NMBR: variants seen among roughly 807,000 people sequenced by gnomAD.
NMBR encodes the protein neuromedin B receptor, also known as neuromedin-B receptor.
Under a neutral mutation model 20.5 loss-of-function variants are expected in NMBR, and 16 were observed. That is an observed-to-expected ratio of 0.78 (90% CI 0.53 to 1.19). The LOEUF (loss-of-function observed/expected upper bound fraction) is 1.19. Among genes scored for constraint, NMBR ranks in the 50% most tolerant of loss-of-function variants. The probability of loss-of-function intolerance (pLI) is 0.00; values close to 1 mark genes in which losing one functional copy is unlikely to be tolerated. For missense variants in NMBR, 582 were observed against 499.1 expected (o/e 1.17, Z -1.58); for synonymous variants, 212 against 196.6 (o/e 1.08, Z -0.65).
At position 142,074,576 on chromosome 6, in the gene NMBR, G is replaced by A. The variant is rs966316468; in HGVS notation, c.*1072C>T. Among the ~76,000 whole-genome samples the A allele has an allele frequency of 6.6e-6, 1 of 152,052 alleles. No individual in the cohort carries two copies. The highest frequency in any genetic ancestry group is 1.5e-5 in the Non-Finnish European group (1 of 67,962). On this transcript the variant is annotated 3_prime_UTR_variant, in exon 4 of 4. Coordinates refer to ENST00000258042, the MANE Select transcript of NMBR (RefSeq NM_002511.4). ...CATTTGCATTTTCCTAAAAAAAGAA[G>A]ACATTTGTTCAGAGAAAACTGTGGT...
intron 1 of NMBR, among the ~76,000 whole-genome samples, chr6:142,120,858 A>G (rs1229580384): frequency 1.3e-5 from 2 of 151,976 alleles, no homozygotes; most frequent in Non-Finnish European, 2.9e-5. Context: ...AACATCAGAC[A>G]TCCAGTCAAA....
intron 1 of NMBR, among the ~76,000 whole-genome samples, chr6:142,132,616 T>C (rs1221657903): frequency 6.6e-6 from 1 of 152,178 alleles, no homozygotes; most frequent in African/African-American, 2.4e-5. Flanking sequence ...TCTTAGGATT[T>C]CCCAGAAATT....
rs150191450 is a variant in NMBR at position 142,127,817 on chromosome 6, T to A, written c.-664+19227A>T. On this transcript the variant is annotated intron_variant, in intron 1 of 3. Transcript: ENST00000258042. ...TTTTGTTTGTGTACAGATATGTCAC[T>A]GATTTTTGTGTGTTGATTTTGTGTC... is the stretch of plus-strand genomic sequence containing the variant. Among the ~76,000 whole-genome samples the A allele has an allele frequency of 4.7e-3, 720 of 152,224 alleles. 3 individuals are homozygous for A. The highest frequency in any genetic ancestry group is 0.022 in the South Asian group (107 of 4,830).
intron 1 of NMBR, among the ~76,000 whole-genome samples, chr6:142,140,882 G>A (rs1300152499): frequency 6.6e-6 from 1 of 152,092 alleles, no homozygotes; most frequent in Non-Finnish European, 1.5e-5. Flanking sequence ...TCATCAGGAA[G>A]CATAATAGTT....
intron 1 of NMBR, chr6:142,134,912 TCAGA>T (rs1206247485): frequency 1.8e-6 from 1 of 565,906 alleles, no homozygotes; most frequent in African/African-American, 1.9e-5. Context: ...TACTTTCCAT[TCAGA>T]CAATGACCAA....
intron 2 of NMBR, among the ~76,000 whole-genome samples, chr6:142,079,489 C>A (rs1777048987): frequency 6.6e-6 from 1 of 152,116 alleles, no homozygotes; most frequent in Admixed American, 6.5e-5. Context: ...TCTTCTAAAT[C>A]TATATATGTT....
In NMBR at chr6:142,081,396, T is replaced by A. The variant is rs374400178; in HGVS notation, c.423-2493A>T. 3.3e-5 allele frequency among the ~76,000 whole-genome samples: 5 copies of A among 152,300 alleles called. 1 individual carries two copies. The East Asian group carries it at 9.6e-4, about 29-fold the overall frequency. On this transcript the variant is annotated intron_variant, in intron 2 of 3. Transcript: ENST00000258042. ...TTTTGATAAGATTGCTAGAAACAGA[T>A]ACAGAAATCTCGGTTTAGAGAAAGC...
At chr6:142,123,954 T>C (rs1219441087) in intron 1 of NMBR, among the ~76,000 whole-genome samples, 1 of 151,812 alleles carries the variant, frequency 6.6e-6, no homozygotes, top group African/African-American at 2.4e-5. Context: ...GCAGAAGAGA[T>C]TAGTGAAATT....
intron 2 of NMBR, among the ~76,000 whole-genome samples, chr6:142,086,107 T>G (rs952854518): frequency 6.6e-6 from 1 of 152,082 alleles, no homozygotes; most frequent in Admixed American, 6.5e-5. Flanking sequence ...ATTAGTAATT[T>G]CTTATACCAA....
At chr6:142,097,301 T>C (rs1297721537) in intron 1 of NMBR, among the ~76,000 whole-genome samples, 3 of 152,184 alleles carry the variant, frequency 2.0e-5, no homozygotes, top group Non-Finnish European at 4.4e-5. Flanking sequence ...GTTTTTGCAG[T>C]GGCTGGTACC....
At chr6:142,135,046 A>G (rs1223398672) in intron 1 of NMBR, 2 of 442,234 alleles carry the variant, frequency 4.5e-6, no homozygotes, top group Non-Finnish European at 8.0e-6. Flanking sequence ...TCTACTATAA[A>G]ATATAGTGCC....
intron 2 of NMBR, 60 bp from the exon 3 acceptor site, chr6:142,078,963 A>G: frequency 8.3e-7 from 1 of 1,210,476 alleles, no homozygotes; most frequent in East Asian, 2.5e-5. Flanking sequence ...AAGAGAAAGA[A>G]AAGAAAGAAA....
chr6:142,117,889 T>C (rs1388443431), intron 1 of NMBR, among the ~76,000 whole-genome samples: 1 of 151,924 alleles, frequency 6.6e-6, no homozygotes, highest in African/African-American at 2.4e-5. Context: ...ACATCCAACA[T>C]TGAAAAATGA....
intron 2 of NMBR, among the ~76,000 whole-genome samples, chr6:142,079,837 G>A (rs564757137): frequency 6.6e-6 from 1 of 152,150 alleles, no homozygotes; most frequent in South Asian, 2.1e-4. Flanking sequence ...AATATTAATG[G>A]CAATATACTA....
chr6:142,132,686 T>C (rs953056376), intron 1 of NMBR, among the ~76,000 whole-genome samples: 1 of 152,196 alleles, frequency 6.6e-6, no homozygotes, highest in African/African-American at 2.4e-5. Context: ...GTACTTTTCC[T>C]TTAGGACACA....
intron 1 of NMBR, chr6:142,133,234 T>C (rs956867579): frequency 3.2e-6 from 2 of 629,914 alleles, no homozygotes; most frequent in African/African-American, 3.6e-5. Context: ...ATTGTATGAG[T>C]CTTTTCTGAG....
At chr6:142,081,595 T>A (rs1231248739) in intron 2 of NMBR, among the ~76,000 whole-genome samples, 2 of 152,180 alleles carry the variant, frequency 1.3e-5, no homozygotes, top group Non-Finnish European at 2.9e-5. Flanking sequence ...TACTGAAGTG[T>A]TATTAGTGCT....
rs555833336 is a variant in NMBR at position 142,142,461 on chromosome 6, A to C, written c.-664+4583T>G. ...CCGGGAATGAAAAGTTATATTATAA[A>C]CACCCATTTATAATGAAACAAACCA... is the stretch of plus-strand genomic sequence containing the variant. On this transcript the variant is annotated intron_variant, in intron 1 of 3. Coordinates refer to ENST00000258042, the MANE Select transcript of NMBR (RefSeq NM_002511.4). 7.2e-5 allele frequency among the ~76,000 whole-genome samples: 11 copies of C among 152,308 alleles called. No individual in the cohort carries two copies. The East Asian group carries it at 1.9e-3, about 27-fold the overall frequency.
chr6:142,075,970 A>T lies in NMBR; in HGVS notation c.851T>A (p.Ile284Asn), dbSNP rs190275378. 7.4e-6 allele frequency: 12 copies of T among 1,613,466 alleles called. No individual in the cohort carries two copies. In the South Asian group the frequency reaches 9.9e-5, roughly 13 times the overall value. The change falls in exon 4 of 4, where the codon ATC becomes AAC. Residue 284 changes from isoleucine (I) to asparagine (N), a missense_variant. Ile to Asn is a moderately radical substitution (Grantham distance 149, BLOSUM62 -3). Coordinates refer to ENST00000258042, the MANE Select transcript of NMBR (RefSeq NM_002511.4). ...GTTGAAAGACCGATACATGTAAAGG[A>T]TGTGGTTTGGAAACCAACAGAAGAT... ...CFIFCWFPNH[I>N]LYMYRSFNYN...
Sources: gnomAD v4.1 joint callset for allele counts (sites outside exome capture counted in the v4.1 genomes callset) on GRCh38, gnomAD v4.1.1 for gene constraint, MANE v1.5 for transcripts, NCBI Gene and HGNC (gene_info 2026-07-23, HGNC 2026-07-21) for gene names.